The following PBX3 variants were observed in gnomAD, a reference collection of about 807,000 sequenced individuals.
The protein encoded by PBX3 is PBX homeobox 3, also known as pre-B-cell leukemia transcription factor 3.
PBX3 carries 14 observed loss-of-function variants against 48.5 expected under a neutral mutation model. The observed-to-expected ratio is 0.29, with a 90% confidence interval of 0.19 to 0.45. The LOEUF is 0.45. Ranked by LOEUF, PBX3 falls within the 20% of genes least tolerant of loss-of-function variation. The probability of loss-of-function intolerance (pLI) is 1.00; values close to 1 mark genes in which losing one functional copy is unlikely to be tolerated. For missense variants in PBX3, 386 were observed against 546.7 expected (o/e 0.71, Z 2.93); for synonymous variants, 210 against 200.3 (o/e 1.05, Z -0.41).
chr9:125,915,982 A>AT, intron 3 of PBX3, 55 bp downstream of exon 3: 3 of 1,590,430 alleles, frequency 1.9e-6, no homozygotes, highest in Non-Finnish European at 1.7e-6. Context: ...CTCTTCTATT[A>AT]GACCATGCTA....
intron 5 of PBX3, among the ~76,000 whole-genome samples, chr9:125,951,494 A>C (rs1842195394): frequency 6.6e-6 from 1 of 152,074 alleles, no homozygotes; most frequent in South Asian, 2.1e-4. Flanking sequence ...AGGGGTCCTG[A>C]CCTTAGGCAC....
chr9:125,898,837 G>A (rs142379860), intron 2 of PBX3, among the ~76,000 whole-genome samples: 8 of 151,842 alleles, frequency 5.3e-5, no homozygotes, highest in South Asian at 4.2e-4. Flanking sequence ...AAACATATGA[G>A]TACAATTTTT....
At chr9:125,823,484 A>G (rs1230348805) in intron 2 of PBX3, among the ~76,000 whole-genome samples, 1 of 152,192 alleles carries the variant, frequency 6.6e-6, no homozygotes, top group Non-Finnish European at 1.5e-5. Context: ...AAAAGACTGA[A>G]TTTAACATAT....
At chr9:125,880,987 A>G (rs1029589392) in intron 2 of PBX3, among the ~76,000 whole-genome samples, 11 of 152,242 alleles carry the variant, frequency 7.2e-5, no homozygotes, top group African/African-American at 2.7e-4. Context: ...CTATAGAGCA[A>G]TGTTCTCAAT....
rs185158466 is a variant in PBX3 at position 125,870,199 on chromosome 9, G to A, written c.275-45487G>A. On this transcript the variant is annotated intron_variant, in intron 2 of 8. Coordinates refer to ENST00000373489, the MANE Select transcript of PBX3 (RefSeq NM_006195.6). ...TTCTCCTGCCTCAGCCTTCCAAGTA[G>A]CTGGGATTGCAGGTGTGCGCCATCA... is the stretch of plus-strand genomic sequence containing the variant. Among the ~76,000 whole-genome samples, 24 of 152,136 alleles carry A rather than the reference G, an allele frequency of 1.6e-4. 1 individual carries two copies. Among genetic ancestry groups the A allele is most frequent in the African/African-American group, 5.1e-4 (21 of 41,498 alleles).
At chr9:125,936,059 T>C (rs1323638474) in intron 5 of PBX3, among the ~76,000 whole-genome samples, 1 of 152,240 alleles carries the variant, frequency 6.6e-6, no homozygotes, top group Non-Finnish European at 1.5e-5. Context: ...GGTAACATAC[T>C]ACAATGTTTG....
chr9:125,868,941 T>C (rs1840052484), intron 2 of PBX3, among the ~76,000 whole-genome samples: 1 of 151,604 alleles, frequency 6.6e-6, no homozygotes, highest in Non-Finnish European at 1.5e-5. Flanking sequence ...AATTAAACAA[T>C]GAAGAAGCAG....
In PBX3 at chr9:125,915,300, A is replaced by G. The variant is rs143141447; in HGVS notation, c.275-386A>G. 9.2e-3 allele frequency among the ~76,000 whole-genome samples: 1,395 copies of G among 152,238 alleles called. 21 individuals carry two copies. The highest frequency in any genetic ancestry group is 0.03 in the African/African-American group (1,264 of 41,546). ...ACCACCTTTGGATGAGTTGTTTTAT[A>G]TCCCTGTAATTATTTTCTTTCTTTC... On this transcript the variant is annotated intron_variant, in intron 2 of 8. Coordinates refer to ENST00000373489, the MANE Select transcript of PBX3 (RefSeq NM_006195.6).
At chr9:125,815,238 C>G (rs763011520) in intron 2 of PBX3, among the ~76,000 whole-genome samples, 4 of 152,164 alleles carry the variant, frequency 2.6e-5, no homozygotes, top group Non-Finnish European at 5.9e-5. Flanking sequence ...ACTCTCCTTG[C>G]ACAGTTGAAA....
chr9:125,804,903 T>C (rs1838073047), intron 2 of PBX3, among the ~76,000 whole-genome samples: 1 of 143,758 alleles, frequency 7.0e-6, no homozygotes, highest in Non-Finnish European at 1.5e-5. Flanking sequence ...GCTGAGATCA[T>C]GCCACTGCAC....
intron 2 of PBX3, among the ~76,000 whole-genome samples, chr9:125,806,915 G>A (rs1243765778): frequency 6.6e-6 from 1 of 152,210 alleles, no homozygotes; most frequent in Non-Finnish European, 1.5e-5. Context: ...CTCACAGAAA[G>A]TTTTGAATAA....
chr9:125,898,566 G>A (rs1840830837), intron 2 of PBX3, among the ~76,000 whole-genome samples: 1 of 151,620 alleles, frequency 6.6e-6, no homozygotes, highest in Admixed American at 6.6e-5. Context: ...ATTCTGAACT[G>A]GTTCAGGAAC....
chr9:125,822,759 T>G (rs181483748), intron 2 of PBX3, among the ~76,000 whole-genome samples: 1 of 152,274 alleles, frequency 6.6e-6, no homozygotes, highest in East Asian at 1.9e-4. Context: ...TAATGTTTTT[T>G]GTACATTAAT....
intron 2 of PBX3, among the ~76,000 whole-genome samples, chr9:125,816,374 A>G (rs1838463907): frequency 1.3e-5 from 2 of 152,202 alleles, no homozygotes; most frequent in African/African-American, 4.8e-5. Flanking sequence ...AATTAAACAT[A>G]CATACTCAGT....
At chr9:125,912,701 C>A (rs1841231054) in intron 2 of PBX3, among the ~76,000 whole-genome samples, 1 of 152,060 alleles carries the variant, frequency 6.6e-6, no homozygotes, top group South Asian at 2.1e-4. Context: ...CCTTTATAAA[C>A]CTCTGTATGT....
chr9:125,853,996 A>ACG (rs1045338172), intron 2 of PBX3, among the ~76,000 whole-genome samples: 2 of 152,006 alleles, frequency 1.3e-5, no homozygotes, highest in Non-Finnish European at 2.9e-5. Context: ...ACACACACAC[A>ACG]CACACATACA....
At chr9:125,832,419 T>G (rs1455579494) in intron 2 of PBX3, among the ~76,000 whole-genome samples, 3 of 152,116 alleles carry the variant, frequency 2.0e-5, no homozygotes, top group Non-Finnish European at 4.4e-5. Flanking sequence ...ATGGTCTCGA[T>G]CTCCTTACCT....
At chr9:125,862,363 C>G (rs959480762) in intron 2 of PBX3, among the ~76,000 whole-genome samples, 10 of 152,090 alleles carry the variant, frequency 6.6e-5, no homozygotes, top group African/African-American at 2.4e-4. Context: ...GTATCAGTGG[C>G]TTGGAAGAAA....
intron 2 of PBX3, among the ~76,000 whole-genome samples, chr9:125,862,751 G>T (rs922125644): frequency 1.3e-5 from 2 of 152,136 alleles, no homozygotes; most frequent in Non-Finnish European, 2.9e-5. Flanking sequence ...GGATGATATT[G>T]TATGGAAACA....
Sources: allele counts gnomAD v4.1 joint callset (sites outside exome capture counted in the v4.1 genomes callset), GRCh38; gene constraint gnomAD v4.1.1; transcripts MANE v1.5; gene names NCBI Gene and HGNC (gene_info 2026-07-23, HGNC 2026-07-21).